UGT1A8: variants seen among roughly 807,000 people sequenced by gnomAD.
The protein encoded by UGT1A8 is UDP-glucuronosyltransferase 1A8.
A neutral mutation model predicts 45.3 loss-of-function variants in UGT1A8; 39 were observed. The ratio of observed to expected loss-of-function variants is 0.86; its 90% CI spans 0.67 to 1.12. The LOEUF is 1.12. UGT1A8 is among the 50% of genes most tolerant of loss of function. The pLI is 0.00. For missense variants in UGT1A8, 719 were observed against 664.9 expected (o/e 1.08, Z -0.90); for synonymous variants, 275 against 249.2 (o/e 1.10, Z -0.97).
At chr2:233,674,648 CTT>C (rs58008965) in intron 1 of UGT1A8, among the ~76,000 whole-genome samples, 69,204 of 151,898 alleles carry the variant, frequency 0.46, 16,832 homozygotes, top group South Asian at 0.57. Flanking sequence ...TTATAAATAT[CTT>C]TTATGAGATA....
Position 233,767,238 on chromosome 2 carries a change from AT to A in UGT1A8, c.987+75del. ...CTAATCCCAGACTTCCAGCTTCCAG[AT>A]TAATTCTCTTAATTGGAACCTTAGA... On this transcript the variant is annotated intron_variant, in intron 2 of 4. Transcript: ENST00000373450. The A allele has an allele frequency of 9.3e-6, 15 of 1,607,788 alleles. No individual in the cohort carries two copies. In the South Asian group the frequency reaches 1.6e-4, roughly 17 times the overall value.
At chr2:233,727,155 T>C (rs2077588603) in intron 1 of UGT1A8, among the ~76,000 whole-genome samples, 1 of 152,182 alleles carries the variant, frequency 6.6e-6, no homozygotes, top group South Asian at 2.1e-4. Flanking sequence ...GGTCAGTCTT[T>C]CAGGATGCTT....
chr2:233,679,862 A>G (rs1360236896), intron 1 of UGT1A8, among the ~76,000 whole-genome samples: 1 of 152,188 alleles, frequency 6.6e-6, no homozygotes, highest in Non-Finnish European at 1.5e-5. Flanking sequence ...ATCTATAAAT[A>G]AGCCTTTCTT....
At chr2:233,713,063 C>G in intron 1 of UGT1A8, 2 of 1,614,158 alleles carry the variant, frequency 1.2e-6, no homozygotes, top group Non-Finnish European at 1.7e-6. Context: ...GTGTCCAGCC[C>G]TGGGCTGAGA....
chr2:233,646,928 CT>C (rs1359208297), intron 1 of UGT1A8, among the ~76,000 whole-genome samples: 3 of 152,160 alleles, frequency 2.0e-5, no homozygotes, highest in Non-Finnish European at 1.5e-5. Flanking sequence ...TTTCATGCTG[CT>C]GATAAAGACA....
chr2:233,647,990 G>C (rs918226208), intron 1 of UGT1A8: 10 of 1,607,548 alleles, frequency 6.2e-6, no homozygotes, highest in Non-Finnish European at 8.5e-6. Flanking sequence ...ATTCTCAGGG[G>C]GCATGAGGTG....
Position 233,760,863 on chromosome 2 carries a change from C to T in UGT1A8, c.856-6171C>T, listed in dbSNP as rs764242339. On this transcript the variant is annotated intron_variant, in intron 1 of 4. Coordinates refer to ENST00000373450, the MANE Select transcript of UGT1A8 (RefSeq NM_019076.5). ...CCCAGTGCCCCAACCCATTCTCCTA[C>T]GTGCCCAGGCCTCTCTCCTCTCATT... The T allele has an allele frequency of 8.1e-6, 13 of 1,614,016 alleles. No homozygotes were observed. Among genetic ancestry groups the T allele is most frequent in the South Asian group, 4.4e-5 (4 of 91,088 alleles).
intron 1 of UGT1A8, chr2:233,693,831 G>T: frequency 1.2e-6 from 2 of 1,614,178 alleles, no homozygotes; most frequent in Non-Finnish European, 1.7e-6. Context: ...TTCATTGGAG[G>T]TATCAACTGT....
chr2:233,678,491 C>T (rs1039836797), intron 1 of UGT1A8, among the ~76,000 whole-genome samples: 18 of 151,920 alleles, frequency 1.2e-4, no homozygotes, highest in African/African-American at 2.4e-4. Context: ...TTGGTGTAAC[C>T]TTATGGAAAT....
intron 1 of UGT1A8, among the ~76,000 whole-genome samples, chr2:233,657,705 G>A (rs1227912963): frequency 6.6e-6 from 1 of 152,060 alleles, no homozygotes; most frequent in Non-Finnish European, 1.5e-5. Flanking sequence ...CTATTCTAAT[G>A]GGTATGTAAA....
At chr2:233,767,193 T>G (rs373415241) in intron 2 of UGT1A8, 28 bp downstream of exon 2, 1 of 1,613,806 alleles carries the variant, frequency 6.2e-7, no homozygotes. Context: ...CATGGCCTCA[T>G]ATCTATTTTC....
chr2:233,716,754 G>C (rs998175744), intron 1 of UGT1A8, among the ~76,000 whole-genome samples: 2 of 152,170 alleles, frequency 1.3e-5, no homozygotes, highest in Non-Finnish European at 2.9e-5. Flanking sequence ...TGGGAGAGGG[G>C]AGCTAGATCA....
At chr2:233,763,481 G>T (rs1698320129) in intron 1 of UGT1A8, among the ~76,000 whole-genome samples, 1 of 152,170 alleles carries the variant, frequency 6.6e-6, no homozygotes, top group Non-Finnish European at 1.5e-5. Context: ...AGATTTGATT[G>T]TAACTCTCTC....
intron 1 of UGT1A8, chr2:233,754,349 G>A (rs1243169158): frequency 7.7e-6 from 2 of 260,182 alleles, no homozygotes; most frequent in African/African-American, 4.5e-5. Context: ...ATAGCAAATT[G>A]CATACAGATA....
At chr2:233,730,637 G>A (rs2078055755) in intron 1 of UGT1A8, among the ~76,000 whole-genome samples, 1 of 152,192 alleles carries the variant, frequency 6.6e-6, no homozygotes, top group African/African-American at 2.4e-5. Flanking sequence ...TCTGGTGCAT[G>A]ATGTGGGGAC....
intron 1 of UGT1A8, chr2:233,708,584 A>G (rs922814919): frequency 1.3e-5 from 2 of 152,072 alleles, no homozygotes; most frequent in Non-Finnish European, 2.9e-5. Flanking sequence ...AGATTCCTTC[A>G]CTACAGAAAG....
chr2:233,771,824 C>T (rs981905786), intron 4 of UGT1A8, among the ~76,000 whole-genome samples: 9 of 144,512 alleles, frequency 6.2e-5, no homozygotes, highest in Non-Finnish European at 1.4e-4. Context: ...TCCTTGCTTC[C>T]TTCCCTCCTT....
intron 1 of UGT1A8, among the ~76,000 whole-genome samples, chr2:233,620,476 A>G (rs1551285): frequency 6.6e-6 from 1 of 151,976 alleles, no homozygotes; most frequent in Non-Finnish European, 1.5e-5. Context: ...GATATAAAAA[A>G]GTATATATGA....
rs74792728 is a variant in UGT1A8 at position 233,697,391 on chromosome 2, T to A, written c.856-69643T>A. Among the ~76,000 whole-genome samples the A allele has an allele frequency of 6.1e-3, 934 of 152,218 alleles. 11 individuals carry two copies. Among genetic ancestry groups the A allele is most frequent in the African/African-American group, 0.021 (887 of 41,568 alleles). ...TAGAGTTCACAATAATCGCTAATGA[T>A]CCTTTGTATTTCTGTGGTGTCAGTT... is the stretch of plus-strand genomic sequence containing the variant. On this transcript the variant is annotated intron_variant, in intron 1 of 4. Coordinates refer to ENST00000373450, the MANE Select transcript of UGT1A8 (RefSeq NM_019076.5).
Sources: gnomAD v4.1 joint callset for allele counts (sites outside exome capture counted in the v4.1 genomes callset) on GRCh38, gnomAD v4.1.1 for gene constraint, MANE v1.5 for transcripts, NCBI Gene and HGNC (gene_info 2026-07-23, HGNC 2026-07-21) for gene names.